The following CCDC40 variants were observed in gnomAD, a reference collection of about 807,000 sequenced individuals.
CCDC40 encodes the protein coiled-coil domain 40 molecular ruler complex subunit.
A neutral mutation model predicts 124.5 loss-of-function variants in CCDC40; 104 were observed. The ratio of observed to expected loss-of-function variants is 0.84; its 90% CI spans 0.71 to 0.98. The LOEUF (loss-of-function observed/expected upper bound fraction) is 0.98. Among genes scored for constraint, CCDC40 ranks in the 50% least tolerant of loss-of-function variants. The pLI, the probability that CCDC40 is intolerant of heterozygous loss-of-function variation, is 0.00. For missense variants in CCDC40, 1,463 were observed against 1,503.9 expected, an observed-to-expected ratio of 0.97 and a Z score of 0.45; for synonymous variants, 580 against 602.9, an observed-to-expected ratio of 0.96 and a Z score of 0.56.
chr17:80,091,336 C>G (rs62075579), intron 17 of CCDC40, among the ~76,000 whole-genome samples: 99,344 of 143,616 alleles, frequency 0.69, 34,106 homozygotes, highest in Middle Eastern at 0.84. Context: ...CACACACACA[C>G]ACACACAGAG....
chr17:80,099,317 T>C lies in CCDC40; in HGVS notation c.3181-210T>C, dbSNP rs55662397. 0.35 allele frequency among the ~76,000 whole-genome samples: 52,769 copies of C among 150,472 alleles called. 10,080 individuals carry two copies. The highest frequency in any genetic ancestry group is 0.51 in the African/African-American group (20,946 of 40,954). On this transcript the variant is annotated intron_variant, in intron 19 of 19. Coordinates refer to ENST00000397545, the MANE Select transcript of CCDC40 (RefSeq NM_017950.4). Reference sequence around the variant, plus strand: ...AAAAAAAAAAAGAATGCCTCCTAGATGGTGATGATGGGTGACCCATAAAGC... The same window carrying C: ...AAAAAAAAAAAGAATGCCTCCTAGACGGTGATGATGGGTGACCCATAAAGC...
intron 16 of CCDC40, chr17:80,088,336 C>T: frequency 3.6e-6 from 2 of 555,962 alleles, no homozygotes; most frequent in Non-Finnish European, 6.6e-6. Context: ...ACTGCAACCT[C>T]TGCCTCCCAG....
chr17:80,048,789 T>C, intron 5 of CCDC40, 28 bp downstream of exon 5: 1 of 1,580,062 alleles, frequency 6.3e-7, no homozygotes, highest in Non-Finnish European at 8.6e-7. Flanking sequence ...GGTTTTGCTT[T>C]TGCCTACATG....
intron 10 of CCDC40, among the ~76,000 whole-genome samples, chr17:80,077,745 GCA>G (rs2038343283): frequency 6.6e-6 from 1 of 152,196 alleles, no homozygotes; most frequent in Non-Finnish European, 1.5e-5. Context: ...GCGATGGTGA[GCA>G]TCTCTTCCCC....
chr17:80,097,995 A>G (rs922841502), intron 19 of CCDC40: 4 of 166,048 alleles, frequency 2.4e-5, no homozygotes, highest in Admixed American at 2.4e-4. Flanking sequence ...GCTTTGAAGG[A>G]AGATAAACCA....
At position 80,086,729 on chromosome 17, in the gene CCDC40, C is replaced by G. The variant is rs1224367678; in HGVS notation, c.2449+513C>G. ...GACCACTCTCCACCCACATGTCCAC[C>G]TGCCGAGACATCCCGGGTCCTGCCC... On this transcript the variant is annotated intron_variant, in intron 14 of 19. Transcript: ENST00000397545. The surrounding 1 kb of genome is among the most constrained non-coding windows in gnomAD (Gnocchi z 5.5). 1 of 185,782 alleles carries G rather than the reference C, an allele frequency of 5.4e-6. No individual in the cohort carries two copies. The highest frequency in any genetic ancestry group is 1.1e-5 in the Non-Finnish European group (1 of 88,106). The allele number at this position is 185,782 out of a possible 1,614,324, so 11.5% of individuals were successfully genotyped here. A position where few individuals can be genotyped will look rare whatever the true frequency, so the allele number is the denominator to read the frequency against.
chr17:80,053,818 C>T lies in CCDC40; in HGVS notation c.1159+3535C>T, dbSNP rs1598493396. Among the ~76,000 whole-genome samples, 3 of 152,228 alleles carry T rather than the reference C, an allele frequency of 2.0e-5. No homozygotes were observed. The South Asian group carries it at 6.2e-4, about 32-fold the overall frequency. Reference sequence around the variant, plus strand: ...ATGTTGGTCAGGCTGGTCTTGAACCCCTGACCTCGTGATCCGCCCACCTTG... The same window carrying T: ...ATGTTGGTCAGGCTGGTCTTGAACCTCTGACCTCGTGATCCGCCCACCTTG... On this transcript the variant is annotated intron_variant, in intron 7 of 19. Coordinates refer to ENST00000397545, the MANE Select transcript of CCDC40 (RefSeq NM_017950.4).
chr17:80,059,005 A>G, intron 9 of CCDC40, 25 bp downstream of exon 9: 1 of 1,613,812 alleles, frequency 6.2e-7, no homozygotes, highest in Non-Finnish European at 8.5e-7. Context: ...CGCAGCTCTC[A>G]GTGTTCGACC....
chr17:80,052,024 T>C (rs759002971), intron 7 of CCDC40, among the ~76,000 whole-genome samples: 7 of 152,236 alleles, frequency 4.6e-5, no homozygotes, highest in Non-Finnish European at 1.0e-4. Flanking sequence ...ACTGAAGAAT[T>C]TGGGCAACGG....
At chr17:80,037,688 A>AAAAAAAAAAATATATATATATAT in intron 1 of CCDC40, among the ~76,000 whole-genome samples, 19 of 45,702 alleles carry the variant, frequency 4.2e-4, no homozygotes, top group African/African-American at 1.1e-3. Flanking sequence ...TTTTTTAAAA[A>AAAAAAAAAAATATATATATATAT]AGATATACAT....
At chr17:80,074,671 A>T (rs57277486) in intron 10 of CCDC40, among the ~76,000 whole-genome samples, 18,502 of 152,180 alleles carry the variant, frequency 0.12, 1,232 homozygotes, top group Middle Eastern at 0.2. Context: ...GTTTTGATGG[A>T]GCTGGAGCTG....
At chr17:80,090,931 G>A in intron 17 of CCDC40, 1 of 560,258 alleles carries the variant, frequency 1.8e-6, no homozygotes, top group Non-Finnish European at 2.4e-6. Context: ...GAAGCCACAT[G>A]TATTTGCTGG....
intron 3 of CCDC40, 137 bp from the exon 4 acceptor site, chr17:80,047,142 G>A (rs76104475): frequency 2.2e-5 from 21 of 963,512 alleles, no homozygotes; most frequent in East Asian, 5.3e-5. Context: ...CCACGTGCCC[G>A]GCCAGGTTTT....
chr17:80,081,241 C>G (rs1047265429), intron 10 of CCDC40, among the ~76,000 whole-genome samples: 28 of 151,790 alleles, frequency 1.8e-4, no homozygotes, highest in Non-Finnish European at 4.4e-5. Flanking sequence ...AAAAATTAGC[C>G]GGGCATGGTG....
chr17:80,064,204 G>A (rs746841184), intron 9 of CCDC40, among the ~76,000 whole-genome samples: 2 of 152,198 alleles, frequency 1.3e-5, no homozygotes, highest in South Asian at 2.1e-4. Context: ...TCTCCAGGGC[G>A]ATGGCCTCTC....
In CCDC40 at chr17:80,036,682, C is replaced by T. The variant is rs750300695; in HGVS notation, c.20C>T (p.Ala7Val). Residue 7 changes from alanine to valine, a missense_variant, in exon 1 of 20, where the codon GCG (alanine) becomes GTG (valine). Coordinates refer to ENST00000397545, the MANE Select transcript of CCDC40 (RefSeq NM_017950.4). The stretch of plus-strand genomic sequence containing the variant: ...CGGGAAATGGCGGAACCGGGCGGCG[C>T]GGCGGGCCGGTAAGCCGGGCCGAGG... MAEPGG[A>V]AGRSHPEDGS... 9 of 1,459,016 alleles carry T rather than the reference C, an allele frequency of 6.2e-6. No individual in the cohort carries two copies. In the South Asian group the frequency reaches 1.2e-4, roughly 20 times the overall value. 90.4% of individuals were successfully genotyped at this position (1,459,016 alleles called of 1,614,324 possible).
At chr17:80,062,828 T>G (rs113749449) in intron 9 of CCDC40, among the ~76,000 whole-genome samples, 1 of 152,076 alleles carries the variant, frequency 6.6e-6, no homozygotes, top group African/African-American at 2.4e-5. Flanking sequence ...TGGCCTCAAG[T>G]AATCCCCCCG....
rs552131998 is a variant in CCDC40, at chr17:80,052,745, TA to T, written c.1159+2465del. ...GAGATTTTAGAGGACGTTGTATCCGTAAAGAGAACAAAGTGTTAGGAAGAGG... is the reference window on the plus strand; with the variant it reads ...GAGATTTTAGAGGACGTTGTATCCGTAAGAGAACAAAGTGTTAGGAAGAGG... On this transcript the variant is annotated intron_variant, in intron 7 of 19. Transcript: ENST00000397545. Among the ~76,000 whole-genome samples, 27 of 152,110 alleles carry T rather than the reference TA, an allele frequency of 1.8e-4. No individual in the cohort carries two copies. The East Asian group carries it at 5.2e-3, about 29-fold the overall frequency.
intron 7 of CCDC40, among the ~76,000 whole-genome samples, chr17:80,056,043 G>A (rs2037741909): frequency 1.7e-5 from 1 of 58,816 alleles, no homozygotes; most frequent in Non-Finnish European, 3.3e-5. Context: ...GTAGAAACAG[G>A]GTCTTACTGT....
Sources: gnomAD v4.1 joint callset for allele counts (sites outside exome capture counted in the v4.1 genomes callset) on GRCh38, gnomAD v4.1.1 for gene constraint, Gnocchi (gnomAD v3.1) non-coding constraint, MANE v1.5 for transcripts, NCBI Gene and HGNC (gene_info 2026-07-23, HGNC 2026-07-21) for gene names.